CTNNA1: variants seen among roughly 807,000 people sequenced by gnomAD.
The protein encoded by CTNNA1 is catenin alpha-1.
In CTNNA1, 37 loss-of-function variants were observed where a neutral mutation model predicts 98.4. The observed-to-expected ratio is 0.38, with a 90% CI of 0.29 to 0.49. The LOEUF (loss-of-function observed/expected upper bound fraction) is 0.49, where lower values mean the gene tolerates loss of function less well. CTNNA1 is among the 20% of genes least tolerant of loss of function. The pLI, the probability that CTNNA1 is intolerant of heterozygous loss-of-function variation, is 0.95. For synonymous variants in CTNNA1, 404 were observed against 413.2 expected (o/e 0.98, Z 0.27); for missense variants, 761 against 1,147.2 (o/e 0.66, Z 4.86).
intron 7 of CTNNA1, among the ~76,000 whole-genome samples, chr5:138,850,982 G>A (rs1056466899): frequency 6.6e-6 from 1 of 152,186 alleles, no homozygotes; most frequent in African/African-American, 2.4e-5. Context: ...TTAAGCAGTG[G>A]TAAAAACTGG....
intron 1 of CTNNA1, among the ~76,000 whole-genome samples, chr5:138,759,297 T>C (rs1752056296): frequency 6.6e-6 from 1 of 152,244 alleles, no homozygotes; most frequent in African/African-American, 2.4e-5. Context: ...TGTTACAGTT[T>C]GTTTTTATGC....
At chr5:138,845,181 A>T (rs1762600581) in intron 7 of CTNNA1, among the ~76,000 whole-genome samples, 1 of 152,166 alleles carries the variant, frequency 6.6e-6, no homozygotes, top group Non-Finnish European at 1.5e-5. Flanking sequence ...TTAGCCTTTG[A>T]TACATTTTCT....
rs180794521 is a variant in CTNNA1 at position 138,823,777 on chromosome 5, G to A, written c.589-753G>A. ...TCGAGGCCATCCCGGCTAAAACGGT[G>A]AAACCCCGTCTCTACTAAAAATACA... On this transcript the variant is annotated intron_variant, in intron 5 of 17. Transcript: ENST00000302763. Among the ~76,000 whole-genome samples, 51 of 151,452 alleles carry A rather than the reference G, an allele frequency of 3.4e-4. No individual in the cohort carries two copies. The East Asian group carries it at 9.3e-3, about 28-fold the overall frequency.
chr5:138,801,208 C>A (rs1422077493), intron 3 of CTNNA1, among the ~76,000 whole-genome samples: 1 of 152,130 alleles, frequency 6.6e-6, no homozygotes, highest in Admixed American at 6.5e-5. Context: ...ACAGTGTGTA[C>A]TACAATTAAT....
chr5:138,932,359 G>A, intron 16 of CTNNA1: 1 of 1,393,666 alleles, frequency 7.2e-7, no homozygotes, highest in African/African-American at 1.4e-5. Flanking sequence ...ATGCGGCGCA[G>A]TCAGGGTCCC....
intron 5 of CTNNA1, among the ~76,000 whole-genome samples, chr5:138,815,107 T>G (rs1239605236): frequency 1.3e-5 from 2 of 151,892 alleles, no homozygotes; most frequent in Non-Finnish European, 2.9e-5. Context: ...ACCTGAGTTG[T>G]TTTTTTTCTT....
Position 138,873,875 on chromosome 5 carries a change from C to T in CTNNA1, c.1063-12337C>T, listed in dbSNP as rs1442273396. On this transcript the variant is annotated intron_variant, in intron 7 of 17. Coordinates refer to ENST00000302763, the MANE Select transcript of CTNNA1 (RefSeq NM_001903.5). The surrounding 1 kb of genome is among the most constrained non-coding windows in gnomAD (Gnocchi z 6.1). Reference sequence around the variant, plus strand: ...TTGTAAGAAGAGCGTGTGCAGACTGCTTAGCCGTAGGAAATGAGCAAAATT... The same window carrying T: ...TTGTAAGAAGAGCGTGTGCAGACTGTTTAGCCGTAGGAAATGAGCAAAATT... 1 of 1,614,004 alleles carries T rather than the reference C, an allele frequency of 6.2e-7. No homozygotes were observed.
In CTNNA1 at chr5:138,886,208, C is replaced by G. The variant is rs1275929547; in HGVS notation, c.1063-4C>G. 1.2e-6 allele frequency: 2 copies of G among 1,606,610 alleles called. No individual in the cohort carries two copies. The highest frequency in any genetic ancestry group is 2.2e-5 in the East Asian group (1 of 44,704). ...AAATGCTCATCTCTTTTCCTTTTAT[C>G]CAGGCTGGACGTAAAGAAAGAAGTG... On this transcript the variant is annotated splice_polypyrimidine_tract_variant and splice_region_variant and intron_variant, in intron 7 of 17. Transcript: ENST00000302763.
intron 17 of CTNNA1, 118 bp from the exon 18 acceptor site, chr5:138,933,684 C>T (rs1765933633): frequency 3.8e-6 from 4 of 1,054,954 alleles, no homozygotes; most frequent in South Asian, 1.6e-5. Flanking sequence ...TCCTCTGCGA[C>T]CTGCCCAGGC....
At chr5:138,866,550 A>T (rs1485807204) in intron 7 of CTNNA1, among the ~76,000 whole-genome samples, 1 of 152,166 alleles carries the variant, frequency 6.6e-6, no homozygotes, top group Admixed American at 6.5e-5. Flanking sequence ...GCCTCTGCCC[A>T]TCAGGGTTGC....
chr5:138,763,882 A>G (rs1268640295), intron 1 of CTNNA1, among the ~76,000 whole-genome samples: 2 of 151,860 alleles, frequency 1.3e-5, no homozygotes, highest in Non-Finnish European at 2.9e-5. Context: ...CTGACTTTTA[A>G]GTGTGTCTTT....
At chr5:138,820,833 A>G (rs538239884) in intron 5 of CTNNA1, among the ~76,000 whole-genome samples, 2 of 152,304 alleles carry the variant, frequency 1.3e-5, no homozygotes, top group African/African-American at 4.8e-5. Context: ...TTTAATCTTC[A>G]CAAAATAATG....
intron 5 of CTNNA1, among the ~76,000 whole-genome samples, chr5:138,818,798 A>T (rs892312620): frequency 1.3e-5 from 2 of 152,102 alleles, no homozygotes; most frequent in Non-Finnish European, 1.5e-5. Context: ...GACACAGTGT[A>T]CGAGCAGCTA....
chr5:138,912,749 T>C (rs1312974813), intron 10 of CTNNA1, among the ~76,000 whole-genome samples: 1 of 134,754 alleles, frequency 7.4e-6, no homozygotes, highest in Admixed American at 7.1e-5. Context: ...TGAATTTCCA[T>C]TTTTAAAATT....
At chr5:138,870,513 C>G (rs1262772968) in intron 7 of CTNNA1, 3 of 152,164 alleles carry the variant, frequency 2.0e-5, no homozygotes, top group Non-Finnish European at 4.4e-5. Flanking sequence ...AAATGGCTGG[C>G]TTTTCCAATT....
intron 1 of CTNNA1, among the ~76,000 whole-genome samples, chr5:138,765,440 C>T (rs1752825648): frequency 1.3e-5 from 2 of 152,130 alleles, no homozygotes; most frequent in Non-Finnish European, 2.9e-5. Flanking sequence ...CCTCTTCCTC[C>T]CAATGTGCTG....
chr5:138,923,708 C>T (rs1329637165), intron 11 of CTNNA1, among the ~76,000 whole-genome samples: 1 of 152,174 alleles, frequency 6.6e-6, no homozygotes, highest in Admixed American at 6.6e-5. Context: ...ATCCACCCTT[C>T]TCTTGGAGAT....
chr5:138,907,987 T>G (rs1424603857), intron 10 of CTNNA1, among the ~76,000 whole-genome samples: 1 of 151,760 alleles, frequency 6.6e-6, no homozygotes, highest in African/African-American at 2.4e-5. Flanking sequence ...TTTCTTCTTC[T>G]TCTTCTTCGA....
At chr5:138,845,719 G>A (rs1762653726) in intron 7 of CTNNA1, among the ~76,000 whole-genome samples, 1 of 152,102 alleles carries the variant, frequency 6.6e-6, no homozygotes, top group African/African-American at 2.4e-5. Context: ...GAGGCATAAG[G>A]AGCAAATTTA....
Sources: allele counts gnomAD v4.1 joint callset (sites outside exome capture counted in the v4.1 genomes callset), GRCh38; gene constraint gnomAD v4.1.1; non-coding constraint Gnocchi (gnomAD v3.1); transcripts MANE v1.5; gene names NCBI Gene and HGNC (gene_info 2026-07-23, HGNC 2026-07-21).